Variants in TBCK observed in about 807,000 individuals in gnomAD.
TBCK encodes the protein TBC domain-containing protein kinase-like protein.
In TBCK, 99 loss-of-function variants were observed where a neutral mutation model predicts 113.4. The ratio of observed to expected loss-of-function variants is 0.87; its 90% confidence interval spans 0.74 to 1.03. The LOEUF (loss-of-function observed/expected upper bound fraction) is 1.03, where lower values mean the gene tolerates loss of function less well. Among genes scored for constraint, TBCK ranks in the 50% least tolerant of loss-of-function variants. TBCK has a pLI of 0.00. For missense variants in TBCK, 1,045 were observed against 1,061.3 expected (o/e 0.98, Z 0.21); for synonymous variants, 369 against 370.8 (o/e 1.00, Z 0.05).
At chr4:106,177,163 T>C (rs73838132) in intron 22 of TBCK, among the ~76,000 whole-genome samples, 2,772 of 152,046 alleles carry the variant, frequency 0.018, 80 homozygotes, top group African/African-American at 0.061. Context: ...GAAATGTCTA[T>C]TCAGATCATC....
intron 1 of TBCK, among the ~76,000 whole-genome samples, chr4:106,313,849 G>A (rs1369185483): frequency 6.6e-6 from 1 of 152,258 alleles, no homozygotes; most frequent in East Asian, 1.9e-4. Context: ...AAGTGGGGAC[G>A]GTTAAAAACT....
At position 106,236,889 on chromosome 4, in the gene TBCK, T is replaced by C. The variant is rs1037785906; in HGVS notation, c.1171-81A>G. 6 of 702,386 alleles carry C rather than the reference T, an allele frequency of 8.5e-6. No individual in the cohort carries two copies. In the African/African-American group the frequency reaches 1.1e-4, roughly 13 times the overall value. 43.5% of individuals were successfully genotyped at this position (702,386 alleles called of 1,614,324 possible). On this transcript the variant is annotated intron_variant, in intron 12 of 25. Coordinates refer to ENST00000394708, the MANE Select transcript of TBCK (RefSeq NM_001163435.3). ...TCTGTGTTTAAAAAGACAAGTAATA[T>C]AACAACTATAAATTTATAAAGGGAC... is the stretch of plus-strand genomic sequence containing the variant.
intron 21 of TBCK, 78 bp from the exon 22 acceptor site, chr4:106,193,848 C>A (rs1753929057): frequency 1.1e-6 from 1 of 926,734 alleles, no homozygotes; most frequent in South Asian, 2.0e-5. Context: ...TTTACTAGTT[C>A]TATAATTATT....
In TBCK at chr4:106,244,724, T is replaced by G. The variant is rs1760568553; in HGVS notation, c.972A>C (p.Glu324Asp). 1 of 1,599,514 alleles carries G rather than the reference T, an allele frequency of 6.3e-7. No individual in the cohort carries two copies. The highest frequency in any genetic ancestry group is 8.5e-7 in the Non-Finnish European group (1 of 1,171,660). The change falls in exon 11 of 26, where the codon GAA becomes GAC. Residue 324 changes from glutamate to aspartate, a missense_variant. Coordinates refer to ENST00000394708, the MANE Select transcript of TBCK (RefSeq NM_001163435.3). ...NDYLAERSIE[E>D]VYYLWCLAGG... ...CAGCCAAACACCAAAGGTAATACAC[T>G]TCTTCAATAGATCTTTCTGCCAGGT... is the stretch of plus-strand genomic sequence containing the variant.
chr4:106,219,407 A>T (rs996912322), intron 19 of TBCK, among the ~76,000 whole-genome samples: 13 of 150,360 alleles, frequency 8.6e-5, no homozygotes, highest in African/African-American at 2.4e-4. Context: ...AAATAAAAAT[A>T]AAAATTAAAA....
At chr4:106,086,140 T>A (rs1327741008) in intron 25 of TBCK, among the ~76,000 whole-genome samples, 1 of 151,324 alleles carries the variant, frequency 6.6e-6, no homozygotes, top group African/African-American at 2.4e-5. Context: ...TCCAAAAAAA[T>A]CAATCCAGGA....
intron 7 of TBCK, 107 bp downstream of exon 7, chr4:106,250,311 A>C (rs1473463858): frequency 1.4e-6 from 1 of 700,116 alleles, no homozygotes; most frequent in Non-Finnish European, 2.4e-6. Flanking sequence ...TAAAGGGAGG[A>C]TATTTCAGTG....
At position 106,248,263 on chromosome 4, in the gene TBCK, G is replaced by A. The variant is rs1761051142; in HGVS notation, c.764C>T (p.Thr255Ile). Residue 255 changes from threonine (T) to isoleucine (I), a missense_variant, in exon 9 of 26, where the codon ACC (threonine) becomes ATC (isoleucine). Thr to Ile is a moderately conservative substitution (Grantham distance 89). Transcript: ENST00000394708. ...TATCAACCTCTTAGAAGGATGGAAG[G>A]TAAGGCACTTATTCAAAAGATCTAT... is the stretch of plus-strand genomic sequence containing the variant. ...TVIDLLNKCLTFHPSKRPTPD... is the reference protein window; with the variant it reads ...TVIDLLNKCLIFHPSKRPTPD... 2.5e-6 allele frequency: 4 copies of A among 1,598,078 alleles called. No individual in the cohort carries two copies. Among genetic ancestry groups the A allele is most frequent in the African/African-American group, 2.7e-5 (2 of 74,190 alleles).
intron 6 of TBCK, among the ~76,000 whole-genome samples, chr4:106,251,545 G>A (rs1295863183): frequency 6.6e-6 from 1 of 151,662 alleles, no homozygotes; most frequent in Non-Finnish European, 1.5e-5. Flanking sequence ...TCAATATCTT[G>A]TTAAACTTTT....
At chr4:106,102,347 T>C (rs1741655638) in intron 24 of TBCK, among the ~76,000 whole-genome samples, 1 of 152,180 alleles carries the variant, frequency 6.6e-6, no homozygotes, top group Non-Finnish European at 1.5e-5. Context: ...AAACTGAACA[T>C]AGATTAAAAT....
intron 18 of TBCK, 90 bp downstream of exon 18, chr4:106,231,639 C>G (rs1758865815): frequency 2.6e-6 from 3 of 1,161,886 alleles, no homozygotes; most frequent in East Asian, 2.4e-5. Context: ...AGAATAAGAG[C>G]CTTAAAACAA....
chr4:106,303,894 A>C (rs1192267190), intron 2 of TBCK, among the ~76,000 whole-genome samples: 2 of 152,122 alleles, frequency 1.3e-5, no homozygotes, highest in Non-Finnish European at 2.9e-5. Context: ...TTGACATCAG[A>C]GGGCCAAAAA....
At chr4:106,073,988 G>A (rs1239831736) in intron 25 of TBCK, among the ~76,000 whole-genome samples, 2 of 152,182 alleles carry the variant, frequency 1.3e-5, no homozygotes, top group Non-Finnish European at 1.5e-5. Flanking sequence ...GTATTAAGCT[G>A]GAATGTCCCA....
intron 1 of TBCK, among the ~76,000 whole-genome samples, chr4:106,314,566 G>C (rs1335880755): frequency 6.6e-6 from 1 of 151,448 alleles, no homozygotes; most frequent in African/African-American, 2.4e-5. Context: ...GAGTAGGACA[G>C]GTGAGACAGT....
At chr4:106,131,302 T>C (rs2149620512) in intron 23 of TBCK, among the ~76,000 whole-genome samples, 1 of 152,334 alleles carries the variant, frequency 6.6e-6, no homozygotes, top group Middle Eastern at 3.4e-3. Flanking sequence ...ATGTCATTAT[T>C]AGCAGCATGA....
rs1204530641 is a variant in TBCK at position 106,041,799 on chromosome 4, T to C, written c.*4771A>G. On this transcript the variant is annotated 3_prime_UTR_variant, in exon 26 of 26. Transcript: ENST00000394708. Reference sequence around the variant, plus strand: ...AGATCACAATCTATCTATAGAACACTGAATATGCCAAGATCCAAGTTTAGT... The same window carrying C: ...AGATCACAATCTATCTATAGAACACCGAATATGCCAAGATCCAAGTTTAGT... 1 of 152,202 alleles carries C rather than the reference T, an allele frequency of 6.6e-6. No homozygotes were observed. The highest frequency in any genetic ancestry group is 2.1e-4 in the South Asian group (1 of 4,834). 9.4% of individuals were successfully genotyped at this position (152,202 alleles called of 1,614,324 possible).
chr4:106,162,684 A>G (rs911400391), intron 23 of TBCK, among the ~76,000 whole-genome samples: 7 of 152,158 alleles, frequency 4.6e-5, no homozygotes, highest in African/African-American at 1.7e-4. Flanking sequence ...TAGGGTTTAC[A>G]CCCTTAGAAG....
chr4:106,281,248 T>C (rs1292746093), intron 3 of TBCK, among the ~76,000 whole-genome samples: 1 of 152,146 alleles, frequency 6.6e-6, no homozygotes, highest in East Asian at 1.9e-4. Flanking sequence ...TACTGATTTT[T>C]ATCTTTTGAT....
chr4:106,180,046 G>T (rs1438545572), intron 22 of TBCK, among the ~76,000 whole-genome samples: 1 of 151,736 alleles, frequency 6.6e-6, no homozygotes, highest in African/African-American at 2.4e-5. Flanking sequence ...TCTGATATAT[G>T]TACAGTTGCT....
Sources: gnomAD v4.1 joint callset for allele counts (sites outside exome capture counted in the v4.1 genomes callset) on GRCh38, gnomAD v4.1.1 for gene constraint, MANE v1.5 for transcripts, NCBI Gene and HGNC (gene_info 2026-07-23, HGNC 2026-07-21) for gene names.